PCSK5: variants seen among roughly 807,000 people sequenced by gnomAD.
PCSK5 encodes the protein prohormone convertase 5.
PCSK5 carries 129 observed loss-of-function variants against 233.2 expected under a neutral mutation model. The observed-to-expected ratio is 0.55, with a 90% CI of 0.48 to 0.64. The LOEUF is 0.64. PCSK5 is among the 30% of genes least tolerant of loss of function. PCSK5 has a pLI of 0.00. For synonymous variants in PCSK5, 825 were observed against 879.2 expected (o/e 0.94, Z 1.09); for missense variants, 2,076 against 2,430.1 (o/e 0.85, Z 3.06).
At chr9:75,978,029 A>T (rs1425730790) in intron 2 of PCSK5, among the ~76,000 whole-genome samples, 1 of 152,196 alleles carries the variant, frequency 6.6e-6, no homozygotes. Context: ...GTTCATTGCT[A>T]GTAATATAAT....
Position 76,033,046 on chromosome 9 carries a change from C to T in PCSK5, c.632+6009C>T, listed in dbSNP as rs190868560. Among the ~76,000 whole-genome samples the T allele has an allele frequency of 1.6e-4, 25 of 152,276 alleles. No individual in the cohort carries two copies. The East Asian group carries it at 4.6e-3, about 28-fold the overall frequency. The stretch of plus-strand genomic sequence containing the variant: ...AACCAGGGTGAATGGAAGTGAATTT[C>T]GTCTAGTTCTTTAGTTTCTTGTCAC... On this transcript the variant is annotated intron_variant, in intron 5 of 37. Coordinates refer to ENST00000674117, the MANE Select transcript of PCSK5 (RefSeq NM_001372043.1).
chr9:76,098,803 T>C (rs558267440), intron 8 of PCSK5, among the ~76,000 whole-genome samples: 44 of 152,324 alleles, frequency 2.9e-4, no homozygotes, highest in African/African-American at 1.1e-3. Context: ...ACAGAGGGAC[T>C]GCAAAATCAC....
intron 4 of PCSK5, among the ~76,000 whole-genome samples, chr9:76,024,137 C>T (rs558694518): frequency 1.3e-5 from 2 of 152,214 alleles, no homozygotes; most frequent in Non-Finnish European, 2.9e-5. Flanking sequence ...CGCCACCACA[C>T]CATCTGCTAC....
chr9:75,901,912 G>A (rs1420848604), intron 1 of PCSK5, among the ~76,000 whole-genome samples: 1 of 152,170 alleles, frequency 6.6e-6, no homozygotes, highest in Non-Finnish European at 1.5e-5. Flanking sequence ...TCAGGAGCCT[G>A]AGATTAGAAA....
intron 24 of PCSK5, among the ~76,000 whole-genome samples, chr9:76,273,343 C>T (rs188262414): frequency 2.1e-4 from 32 of 152,160 alleles, no homozygotes; most frequent in Admixed American, 2.1e-3. Context: ...TATCTTTCTA[C>T]TTGCTTCATT....
chr9:76,188,153 T>C (rs1824193263), intron 17 of PCSK5, among the ~76,000 whole-genome samples: 2 of 152,240 alleles, frequency 1.3e-5, no homozygotes, highest in Admixed American at 1.3e-4. Context: ...GTGTTCCTAC[T>C]GCATTTATAA....
rs1335739411 is a variant in PCSK5, at chr9:76,083,227, AGAAG to A, written c.894+11330_894+11333del. The stretch of plus-strand genomic sequence containing the variant: ...CTCAAAAAAAAAAAAAAAAAAAAAA[AGAAG>A]AAGTATTTCTTGAATACCCACTATA... On this transcript the variant is annotated intron_variant, in intron 7 of 37. Transcript: ENST00000674117. Among the ~76,000 whole-genome samples, 3 of 143,328 alleles carry A rather than the reference AGAAG, an allele frequency of 2.1e-5. No individual in the cohort carries two copies. The East Asian group carries it at 6.1e-4, about 29-fold the overall frequency. The allele number at this position is 143,328 out of a possible 152,430, so 94.0% of individuals were successfully genotyped here. A position where few individuals can be genotyped will look rare whatever the true frequency, so the allele number is the denominator to read the frequency against.
chr9:76,317,602 C>T (rs140920913), intron 30 of PCSK5, among the ~76,000 whole-genome samples: 193 of 152,296 alleles, frequency 1.3e-3, no homozygotes, highest in East Asian at 5.0e-3. Flanking sequence ...TGCAGTTCTT[C>T]GCCACTCCTC....
intron 8 of PCSK5, among the ~76,000 whole-genome samples, chr9:76,103,672 C>G (rs1831857742): frequency 6.6e-6 from 1 of 152,096 alleles, no homozygotes; most frequent in African/African-American, 2.4e-5. Context: ...TAGTGGAGTC[C>G]AAAAAACCAT....
At chr9:76,162,383 C>T (rs1055695246) in intron 12 of PCSK5, among the ~76,000 whole-genome samples, 30 of 152,164 alleles carry the variant, frequency 2.0e-4, no homozygotes, top group African/African-American at 6.8e-4. Flanking sequence ...GCAAGGAGGC[C>T]TCATGCCCTC....
Position 76,256,941 on chromosome 9 carries a change from T to A in PCSK5, c.3142+16257T>A, listed in dbSNP as rs576377663. On this transcript the variant is annotated intron_variant, in intron 24 of 37. Transcript: ENST00000674117. ...TGCCTTCCTTGTACCTCCTAATAGG[T>A]CCCTAGAGATTATGATGAAAACTAG... 2.6e-5 allele frequency among the ~76,000 whole-genome samples: 4 copies of A among 152,204 alleles called. No homozygotes were observed. The South Asian group carries it at 6.2e-4, about 24-fold the overall frequency.
intron 5 of PCSK5, among the ~76,000 whole-genome samples, chr9:76,057,855 T>C (rs1829878286): frequency 7.9e-6 from 1 of 126,498 alleles, no homozygotes; most frequent in African/African-American, 3.2e-5. Flanking sequence ...TTTTTTTTTT[T>C]TGAGACAGGG....
chr9:76,355,692 T>C (rs1199177175), intron 37 of PCSK5, among the ~76,000 whole-genome samples: 1 of 151,982 alleles, frequency 6.6e-6, no homozygotes, highest in Non-Finnish European at 1.5e-5. Flanking sequence ...TCTTTCTTTC[T>C]TTCTTTCTTT....
chr9:76,069,400 G>C (rs1830402315), intron 6 of PCSK5, among the ~76,000 whole-genome samples: 2 of 150,526 alleles, frequency 1.3e-5, no homozygotes, highest in Admixed American at 1.3e-4. Context: ...TAAAAAATGA[G>C]AGGATGAACT....
At chr9:76,183,825 T>C (rs1823978755) in intron 16 of PCSK5, among the ~76,000 whole-genome samples, 1 of 152,248 alleles carries the variant, frequency 6.6e-6, no homozygotes, top group Non-Finnish European at 1.5e-5. Context: ...CATTCATTTC[T>C]ACAAATTCAC....
intron 10 of PCSK5, among the ~76,000 whole-genome samples, chr9:76,141,369 G>A (rs1823217969): frequency 6.6e-6 from 1 of 152,088 alleles, no homozygotes; most frequent in Non-Finnish European, 1.5e-5. Flanking sequence ...ACTCAGCTCT[G>A]AACTCAGTGG....
intron 1 of PCSK5, among the ~76,000 whole-genome samples, chr9:75,904,964 T>G (rs1029611297): frequency 6.6e-6 from 1 of 152,204 alleles, no homozygotes; most frequent in Non-Finnish European, 1.5e-5. Context: ...GAATATTTTT[T>G]CACAATGGAA....
intron 16 of PCSK5, among the ~76,000 whole-genome samples, chr9:76,182,039 A>G (rs1823897421): frequency 6.6e-6 from 1 of 152,234 alleles, no homozygotes; most frequent in African/African-American, 2.4e-5. Context: ...GGCTGGTCAG[A>G]CCTGACACAT....
At chr9:76,226,686 A>G (rs1825903528) in intron 20 of PCSK5, among the ~76,000 whole-genome samples, 1 of 152,126 alleles carries the variant, frequency 6.6e-6, no homozygotes, top group African/African-American at 2.4e-5. Flanking sequence ...TGTGGATCTG[A>G]CCAAAGAAGC....
Sources: gnomAD v4.1 joint callset for allele counts (sites outside exome capture counted in the v4.1 genomes callset) on GRCh38, gnomAD v4.1.1 for gene constraint, MANE v1.5 for transcripts, NCBI Gene and HGNC (gene_info 2026-07-23, HGNC 2026-07-21) for gene names.